NFYA: variants seen among roughly 807,000 people sequenced by gnomAD.
The protein encoded by NFYA is nuclear transcription factor Y subunit alpha.
In NFYA, 28 loss-of-function variants were observed where a neutral mutation model predicts 52.8. The ratio of observed to expected loss-of-function variants is 0.53; its 90% confidence interval spans 0.39 to 0.73. The LOEUF (loss-of-function observed/expected upper bound fraction) is 0.73. Among genes scored for constraint, NFYA ranks in the 30% least tolerant of loss-of-function variants. The pLI is 0.00. For synonymous variants in NFYA, 150 were observed against 150.7 expected (o/e 1.00, Z 0.03); for missense variants, 234 against 427.0 (o/e 0.55, Z 3.98).
chr6:41,078,438 G>C (rs2294694), intron 1 of NFYA, among the ~76,000 whole-genome samples: 1 of 151,858 alleles, frequency 6.6e-6, no homozygotes, highest in Non-Finnish European at 1.5e-5. Context: ...TTATATATCT[G>C]TCCTCCCTCC....
At chr6:41,092,485 C>T (rs900397682) in intron 7 of NFYA, among the ~76,000 whole-genome samples, 1 of 152,144 alleles carries the variant, frequency 6.6e-6, no homozygotes, top group African/African-American at 2.4e-5. Context: ...ACATTTAGTA[C>T]AGTGTTTTGG....
At chr6:41,089,455 G>T in intron 4 of NFYA, 124 bp from the exon 5 acceptor site, 1 of 1,083,206 alleles carries the variant, frequency 9.2e-7, no homozygotes, top group Non-Finnish European at 1.3e-6. Flanking sequence ...GGAGGGCAGA[G>T]CAGGACTTCT....
chr6:41,098,652 C>A lies in NFYA; in HGVS notation c.*1242C>A, dbSNP rs1302502230. The A allele has an allele frequency of 6.5e-6, 1 of 152,690 alleles. No individual in the cohort carries two copies. Among genetic ancestry groups the A allele is most frequent in the Non-Finnish European group, 1.5e-5 (1 of 68,096 alleles). 9.5% of individuals were successfully genotyped at this position (152,690 alleles called of 1,614,324 possible). A position where few individuals can be genotyped will look rare whatever the true frequency, so the allele number is the denominator to read the frequency against. Reference sequence around the variant, plus strand: ...CTTCACTCCTGCAGCACAATGCTGGCCCTAGAAAGCGAGCATTTTCATTCT... The same window carrying A: ...CTTCACTCCTGCAGCACAATGCTGGACCTAGAAAGCGAGCATTTTCATTCT... On this transcript the variant is annotated 3_prime_UTR_variant, in exon 10 of 10. Coordinates refer to ENST00000341376, the MANE Select transcript of NFYA (RefSeq NM_002505.5).
intron 3 of NFYA, 138 bp from the exon 4 acceptor site, chr6:41,083,908 T>C (rs1046939262): frequency 1.3e-6 from 1 of 779,910 alleles, no homozygotes; most frequent in Non-Finnish European, 1.9e-6. Flanking sequence ...ACTTGAGGAC[T>C]TGAGACATAT....
At chr6:41,075,465 T>C (rs1039619531) in intron 1 of NFYA, 4 of 152,242 alleles carry the variant, frequency 2.6e-5, no homozygotes, top group Non-Finnish European at 5.9e-5. Flanking sequence ...TGGTAACTTT[T>C]TTGCTAAATA....
intron 1 of NFYA, among the ~76,000 whole-genome samples, chr6:41,078,784 C>T (rs968538514): frequency 6.6e-6 from 1 of 152,148 alleles, no homozygotes; most frequent in African/African-American, 2.4e-5. Context: ...AAGTATTGCT[C>T]TGACAGTATT....
chr6:41,092,529 G>A (rs1030740600), intron 7 of NFYA, among the ~76,000 whole-genome samples: 7 of 152,178 alleles, frequency 4.6e-5, no homozygotes. Context: ...TGAATTATAA[G>A]TTAACTATTA....
intron 9 of NFYA, among the ~76,000 whole-genome samples, chr6:41,097,114 C>A (rs62396299): frequency 0.074 from 11,255 of 152,190 alleles, 548 homozygotes; most frequent in Middle Eastern, 0.13. Context: ...CACTAACAGC[C>A]CTGCAGTGTT....
chr6:41,097,298 C>T, intron 9 of NFYA, 59 bp from the exon 10 acceptor site: 2 of 1,496,914 alleles, frequency 1.3e-6, no homozygotes, highest in Non-Finnish European at 1.9e-6. Context: ...GTAGTGAGAG[C>T]CATGAGTTCC....
chr6:41,093,589 G>A lies in NFYA; in HGVS notation c.888+504G>A, dbSNP rs1466860678. Among the ~76,000 whole-genome samples, 7 of 151,864 alleles carry A rather than the reference G, an allele frequency of 4.6e-5. No individual in the cohort carries two copies. The East Asian group carries it at 9.7e-4, about 21-fold the overall frequency. On this transcript the variant is annotated intron_variant, in intron 8 of 9. Coordinates refer to ENST00000341376, the MANE Select transcript of NFYA (RefSeq NM_002505.5). ...ATGTTCAAGTGATTCTCCTGCCTCA[G>A]CCTCCTGAGTAGCTGGGATTACAGG...
chr6:41,091,523 T>TA lies in NFYA; in HGVS notation c.548-2dup. 1 of 1,612,746 alleles carries TA rather than the reference T, an allele frequency of 6.2e-7. No homozygotes were observed. Among genetic ancestry groups the TA allele is most frequent in the Non-Finnish European group, 8.5e-7 (1 of 1,179,594 alleles). On this transcript the variant is annotated splice_region_variant and splice_polypyrimidine_tract_variant and intron_variant, in intron 6 of 9. Coordinates refer to ENST00000341376, the MANE Select transcript of NFYA (RefSeq NM_002505.5). ...TTGTTTGTTTTATGTTTTGTTTTCT[T>TA]AAAGTTACAGTCCCTGTTTCAGGCA... is the stretch of plus-strand genomic sequence containing the variant.
At position 41,093,022 on chromosome 6, in the gene NFYA, T is replaced by C. The variant is rs1582035999; in HGVS notation, c.825T>C (p.Ile275=). Residue 275 remains isoleucine, a synonymous_variant, in exon 8 of 10, where the codon ATT becomes ATC. Transcript: ENST00000341376. The part of the protein sequence containing the change: ...LYVNAKQYHR[I]LKRRQARAKL... ...TGAATGCCAAACAATACCACCGTAT[T>C]CTTAAGAGGAGGCAAGCCCGAGCTA... The C allele has an allele frequency of 6.2e-7, 1 of 1,613,990 alleles. No homozygotes were observed. Among genetic ancestry groups the C allele is most frequent in the African/African-American group, 1.3e-5 (1 of 74,898 alleles).
intron 7 of NFYA, 73 bp downstream of exon 7, chr6:41,091,767 A>G (rs1375408287): frequency 1.3e-6 from 2 of 1,540,124 alleles, no homozygotes; most frequent in African/African-American, 2.7e-5. Context: ...CCTAAAATTT[A>G]TTATGTTGAC....
At chr6:41,090,142 A>C (rs1764161593) in intron 5 of NFYA, 62 bp from the exon 6 acceptor site, 1 of 1,131,746 alleles carries the variant, frequency 8.8e-7, no homozygotes, top group Non-Finnish European at 1.3e-6. Context: ...TTTAAGGACT[A>C]CATCGTTCTT....
chr6:41,080,989 G>A, intron 3 of NFYA, 92 bp downstream of exon 3: 2 of 983,578 alleles, frequency 2.0e-6, no homozygotes, highest in East Asian at 2.5e-5. Context: ...CAGTAGGAAT[G>A]GCAAAGTCAG....
At chr6:41,081,217 C>T (rs1212550734) in intron 3 of NFYA, among the ~76,000 whole-genome samples, 3 of 152,076 alleles carry the variant, frequency 2.0e-5, no homozygotes, top group Non-Finnish European at 2.9e-5. Flanking sequence ...CGGCCGGGCG[C>T]GGTGGCTCAC....
chr6:41,073,425 A>AT (rs1371330323), intron 1 of NFYA, among the ~76,000 whole-genome samples: 2 of 151,874 alleles, frequency 1.3e-5, no homozygotes, highest in South Asian at 2.1e-4. Flanking sequence ...GGGGCCACGA[A>AT]TGGCCCTACA....
At chr6:41,082,571 A>G (rs972113156) in intron 3 of NFYA, among the ~76,000 whole-genome samples, 3 of 152,256 alleles carry the variant, frequency 2.0e-5, no homozygotes, top group Non-Finnish European at 4.4e-5. Flanking sequence ...TAATAGCTGT[A>G]TCTTAAAACT....
intron 8 of NFYA, 50 bp downstream of exon 8, chr6:41,093,135 A>G (rs753734886): frequency 4.0e-6 from 6 of 1,516,980 alleles, no homozygotes; most frequent in Middle Eastern, 1.8e-4. Flanking sequence ...GCAGGGTTCT[A>G]CTTTTGAAAT....
Sources: allele counts gnomAD v4.1 joint callset (sites outside exome capture counted in the v4.1 genomes callset), GRCh38; gene constraint gnomAD v4.1.1; transcripts MANE v1.5; gene names NCBI Gene and HGNC (gene_info 2026-07-23, HGNC 2026-07-21).